YWHAZ: variants seen among roughly 807,000 people sequenced by gnomAD.
YWHAZ encodes 14-3-3 protein zeta/delta.
For missense variants in YWHAZ, 79 were observed against 284.8 expected, an observed-to-expected ratio of 0.28 and a Z score of 5.20; for synonymous variants, 87 against 103.6, an observed-to-expected ratio of 0.84 and a Z score of 0.97.
At chr8:100,945,427 T>C (rs1248390275) in intron 2 of YWHAZ, among the ~76,000 whole-genome samples, 2 of 152,164 alleles carry the variant, frequency 1.3e-5, no homozygotes, top group Non-Finnish European at 2.9e-5. Flanking sequence ...AGGTGCTCAA[T>C]ATAAAAAATC....
At chr8:100,947,967 G>C in intron 2 of YWHAZ, 3 of 669,976 alleles carry the variant, frequency 4.5e-6, no homozygotes, top group Non-Finnish European at 7.0e-6. Flanking sequence ...TTTAAGCGCA[G>C]TGCTTCAACA....
chr8:100,940,980 T>TC (rs1202889711), intron 2 of YWHAZ, among the ~76,000 whole-genome samples: 3 of 152,222 alleles, frequency 2.0e-5, no homozygotes, highest in African/African-American at 7.2e-5. Flanking sequence ...CTGATGCTAG[T>TC]CCTCCATTAG....
At chr8:100,951,199 C>A (rs1295239650) in intron 1 of YWHAZ, 5 of 985,320 alleles carry the variant, frequency 5.1e-6, no homozygotes, top group Non-Finnish European at 6.0e-6. Flanking sequence ...GCAGTGGACT[C>A]CCCTCCCGCC....
intron 2 of YWHAZ, among the ~76,000 whole-genome samples, chr8:100,939,523 G>A (rs953768142): frequency 2.6e-5 from 4 of 152,014 alleles, no homozygotes; most frequent in East Asian, 1.9e-4. Flanking sequence ...GCTGGGCGTG[G>A]TGGTGCATGC....
rs1280661576 is a variant in YWHAZ, at chr8:100,951,290, T to C, written c.-12+639A>G. The C allele has an allele frequency of 6.1e-6, 6 of 984,122 alleles. No homozygotes were observed. The African/African-American group carries it at 8.8e-5, about 14-fold the overall frequency. The allele number at this position is 984,122 out of a possible 1,614,324, so 61.0% of individuals were successfully genotyped here. On this transcript the variant is annotated intron_variant, in intron 1 of 5. Coordinates refer to ENST00000395958, the MANE Select transcript of YWHAZ (RefSeq NM_145690.3). ...TCCGGCCCGCTCTCGGCCAGGCCTT[T>C]CCCTCGCGCTTGGGTCCCCGAGGCC... is the stretch of plus-strand genomic sequence containing the variant.
At chr8:100,927,527 A>G (rs1021137395) in intron 2 of YWHAZ, among the ~76,000 whole-genome samples, 25 of 152,184 alleles carry the variant, frequency 1.6e-4, no homozygotes, top group African/African-American at 5.8e-4. Flanking sequence ...GGCTGTCTCA[A>G]AAAGAGTAAC....
At chr8:100,951,862 G>C (rs926870310) in intron 1 of YWHAZ, 67 bp downstream of exon 1, 4 of 988,722 alleles carry the variant, frequency 4.0e-6, no homozygotes, top group Non-Finnish European at 4.8e-6. Flanking sequence ...AGCGAGGACG[G>C]CTCCCACGCG....
rs1812874393 is a variant in YWHAZ at position 100,919,443 on chromosome 8, C to T, written c.*1250G>A. On this transcript the variant is annotated 3_prime_UTR_variant, in exon 6 of 6. Coordinates refer to ENST00000395958, the MANE Select transcript of YWHAZ (RefSeq NM_145690.3). ...CACACTACATTTTTTTCTAATCAAT[C>T]CCCCCCTCTCCCAGAAAAAATAGGA... The T allele has an allele frequency of 6.6e-6, 1 of 152,300 alleles. No homozygotes were observed. Among genetic ancestry groups the T allele is most frequent in the African/African-American group, 2.4e-5 (1 of 41,346 alleles). The allele number at this position is 152,300 out of a possible 1,614,324, so 9.4% of individuals were successfully genotyped here.
chr8:100,948,814 T>C lies in YWHAZ; in HGVS notation c.76A>G (p.Met26Val). ...AERYDDMAAC[M>V]KSVTEQGAEL... ...GCTCCTTGCTCAGTTACAGACTTCA[T>C]GCAGGCTGCCATGTCATCATATCGC... The change falls in exon 2 of 6, where the codon ATG (methionine) becomes GTG (valine). Residue 26 changes from methionine (M) to valine (V), a missense_variant. Transcript: ENST00000395958. The surrounding 1 kb of genome is among the most constrained non-coding windows in gnomAD (Gnocchi z 4.2). The C allele has an allele frequency of 6.3e-7, 1 of 1,599,428 alleles. No individual in the cohort carries two copies. The highest frequency in any genetic ancestry group is 1.1e-5 in the South Asian group (1 of 91,084).
chr8:100,942,279 T>A (rs1246836454), intron 2 of YWHAZ, among the ~76,000 whole-genome samples: 1 of 152,200 alleles, frequency 6.6e-6, no homozygotes, highest in Non-Finnish European at 1.5e-5. Flanking sequence ...TATGTAAAAC[T>A]CTATCCTACA....
chr8:100,935,398 A>C (rs778312241), intron 2 of YWHAZ, among the ~76,000 whole-genome samples: 4 of 152,206 alleles, frequency 2.6e-5, no homozygotes, highest in Non-Finnish European at 2.9e-5. Context: ...TTCATCATCA[A>C]GAGTGTATTA....
At chr8:100,933,498 A>AT (rs576766187) in intron 2 of YWHAZ, among the ~76,000 whole-genome samples, 47 of 152,060 alleles carry the variant, frequency 3.1e-4, no homozygotes, top group Middle Eastern at 3.4e-3. Flanking sequence ...TTAAATATAT[A>AT]TTTTTTTTGC....
At chr8:100,934,752 T>C (rs1376856614) in intron 2 of YWHAZ, 1 of 152,170 alleles carries the variant, frequency 6.6e-6, no homozygotes. Context: ...GTGTGTAGTT[T>C]TGTACAATTT....
At chr8:100,941,983 G>A (rs1042788232) in intron 2 of YWHAZ, among the ~76,000 whole-genome samples, 1 of 152,086 alleles carries the variant, frequency 6.6e-6, no homozygotes, top group African/African-American at 2.4e-5. Context: ...ATGTTGGTCC[G>A]CTTAACTTTA....
Position 100,924,418 on chromosome 8 carries a change from T to G in YWHAZ, c.419-120A>C. On this transcript the variant is annotated intron_variant, in intron 3 of 5. Coordinates refer to ENST00000395958, the MANE Select transcript of YWHAZ (RefSeq NM_145690.3). This position sits in a 1 kb window ranked among gnomAD's most constrained non-coding sequence, Gnocchi z 5.7. ...TACTAACCTGTAACAGCTTAATATT[T>G]GTTAATTGAACAAGGTCCTTTTTTT... 9.5e-7 allele frequency: 1 copy of G among 1,054,532 alleles called. No homozygotes were observed. Among genetic ancestry groups the G allele is most frequent in the South Asian group, 1.8e-5 (1 of 54,354 alleles). 65.3% of individuals were successfully genotyped at this position (1,054,532 alleles called of 1,614,324 possible). A position where few individuals can be genotyped will look rare whatever the true frequency, so the allele number is the denominator to read the frequency against.
rs765044947 is a variant in YWHAZ at position 100,924,195 on chromosome 8, G to A, written c.522C>T (p.Phe174=). Residue 174 remains phenylalanine (F), a synonymous_variant, in exon 4 of 6, where the codon TTC becomes TTT. Transcript: ENST00000395958. This position sits in a 1 kb window ranked among gnomAD's most constrained non-coding sequence, Gnocchi z 5.7. The part of the protein sequence containing the change: ...HPIRLGLALN[F]SVFYYEILNS... ...TCAGAATCTCATAATAGAACACAGA[G>A]AAGTTAAGGGCCAGACCCAGTCTGA... The A allele has an allele frequency of 1.1e-5, 18 of 1,613,940 alleles. No homozygotes were observed. In the Admixed American group the frequency reaches 2.2e-4, roughly 19 times the overall value.
In YWHAZ at chr8:100,917,798, T is replaced by A. The variant is rs1030707821; in HGVS notation, c.*2895A>T. 1 of 152,194 alleles carries A rather than the reference T, an allele frequency of 6.6e-6. No homozygotes were observed. The highest frequency in any genetic ancestry group is 2.4e-5 in the African/African-American group (1 of 41,456). 9.4% of individuals were successfully genotyped at this position (152,194 alleles called of 1,614,324 possible). A position where few individuals can be genotyped will look rare whatever the true frequency, so the allele number is the denominator to read the frequency against. On this transcript the variant is annotated 3_prime_UTR_variant, in exon 6 of 6. Coordinates refer to ENST00000395958, the MANE Select transcript of YWHAZ (RefSeq NM_145690.3). ...TTCCAATTTCCTGGCACTAGGATGT[T>A]ACATTGACAAAAGCAGACGTAAAGC...
chr8:100,926,440 C>T (rs751565731), intron 2 of YWHAZ, among the ~76,000 whole-genome samples: 8 of 152,030 alleles, frequency 5.3e-5, no homozygotes, highest in Non-Finnish European at 1.2e-4. Context: ...AGGTGAGCCT[C>T]GTCAACATGG....
At position 100,945,178 on chromosome 8, in the gene YWHAZ, T is replaced by C. The variant is rs1810173126; in HGVS notation, c.294+3418A>G. On this transcript the variant is annotated intron_variant, in intron 2 of 5. Transcript: ENST00000395958. ...GGAAGAGAAGAAACCCAAGTTCTTT[T>C]ACATAATGCAAAGTCCACATTGTGA... Among the ~76,000 whole-genome samples, 4 of 152,322 alleles carry C rather than the reference T, an allele frequency of 2.6e-5. 1 individual carries two copies. The highest frequency in any genetic ancestry group is 2.6e-4 in the Admixed American group (4 of 15,298).
Sources: gnomAD v4.1 joint callset for allele counts (sites outside exome capture counted in the v4.1 genomes callset) on GRCh38, gnomAD v4.1.1 for gene constraint, Gnocchi (gnomAD v3.1) non-coding constraint, MANE v1.5 for transcripts, NCBI Gene and HGNC (gene_info 2026-07-23, HGNC 2026-07-21) for gene names.